WWOX: variants seen among roughly 807,000 people sequenced by gnomAD.
WWOX encodes the protein WW domain containing oxidoreductase.
In WWOX, 69 loss-of-function variants were observed where a neutral mutation model predicts 46.2. The ratio of observed to expected loss-of-function variants is 1.49; its 90% CI spans 1.23 to 1.82. The LOEUF is 1.82. Ranked by LOEUF, WWOX falls within the 40% of genes most tolerant of loss-of-function variation. The pLI, the probability that WWOX is intolerant of heterozygous loss-of-function variation, is 0.00. For synonymous variants in WWOX, 359 were observed against 202.6 expected, an observed-to-expected ratio of 1.77 and a Z score of -6.56; for missense variants, 919 against 542.6, an observed-to-expected ratio of 1.69 and a Z score of -6.89.
At chr16:78,231,182 A>T (rs765708626) in intron 5 of WWOX, among the ~76,000 whole-genome samples, 1 of 152,072 alleles carries the variant, frequency 6.6e-6, no homozygotes, top group Admixed American at 6.6e-5. Context: ...GAGGAGAGGG[A>T]TTTGCTCTTG....
chr16:78,774,475 C>T (rs1405602427), intron 8 of WWOX, among the ~76,000 whole-genome samples: 1 of 151,182 alleles, frequency 6.6e-6, no homozygotes, highest in African/African-American at 2.4e-5. Context: ...TTTTTTCGGG[C>T]AGTTTCTTGA....
chr16:79,174,208 T>A (rs2050755835), intron 8 of WWOX, among the ~76,000 whole-genome samples: 1 of 152,194 alleles, frequency 6.6e-6, no homozygotes, highest in Non-Finnish European at 1.5e-5. Context: ...CAGCCCAGTT[T>A]TCAGTGGCAA....
chr16:78,117,093 C>T (rs956823104), intron 4 of WWOX, among the ~76,000 whole-genome samples: 4 of 152,168 alleles, frequency 2.6e-5, no homozygotes, highest in Non-Finnish European at 5.9e-5. Flanking sequence ...TTTGTGGTTG[C>T]TGAGAATGGC....
chr16:79,073,932 C>A (rs995052560), intron 8 of WWOX, among the ~76,000 whole-genome samples: 2 of 151,824 alleles, frequency 1.3e-5, no homozygotes, highest in Non-Finnish European at 2.9e-5. Flanking sequence ...TCTAGCAATT[C>A]TCAATGTTTT....
intron 5 of WWOX, among the ~76,000 whole-genome samples, chr16:78,380,703 T>C (rs2081936637): frequency 6.6e-6 from 1 of 152,162 alleles, no homozygotes; most frequent in South Asian, 2.1e-4. Context: ...TTTAGATACA[T>C]TGCCTGACTT....
intron 8 of WWOX, among the ~76,000 whole-genome samples, chr16:78,537,936 G>T (rs916723243): frequency 1.1e-4 from 16 of 151,956 alleles, no homozygotes; most frequent in Non-Finnish European, 1.8e-4. Flanking sequence ...CAGCAGCCCC[G>T]GCCTATCTCT....
intron 6 of WWOX, among the ~76,000 whole-genome samples, chr16:78,420,983 T>G (rs57226645): frequency 0.06 from 9,162 of 152,222 alleles, 903 homozygotes; most frequent in African/African-American, 0.21. Context: ...TGGGAACCTC[T>G]GGCTTAATCA....
intron 8 of WWOX, among the ~76,000 whole-genome samples, chr16:78,725,706 G>C (rs996797638): frequency 6.6e-6 from 1 of 152,104 alleles, no homozygotes; most frequent in East Asian, 1.9e-4. Context: ...TCATCTCACA[G>C]TTCTGAAAGT....
intron 5 of WWOX, among the ~76,000 whole-genome samples, chr16:78,370,367 A>C (rs2081644938): frequency 6.6e-6 from 1 of 152,182 alleles, no homozygotes; most frequent in Admixed American, 6.5e-5. Flanking sequence ...CATAGTAAGT[A>C]CTGTGTAAGA....
In WWOX at chr16:78,657,397, C is replaced by T. The variant is rs969093658; in HGVS notation, c.1056+224645C>T. Among the ~76,000 whole-genome samples, 8 of 152,180 alleles carry T rather than the reference C, an allele frequency of 5.3e-5. No individual in the cohort carries two copies. In the East Asian group the frequency reaches 5.8e-4, roughly 11 times the overall value. Reference sequence around the variant, plus strand: ...ATCCTGTAAAGGAGCCTGTGCTTCCCGACTCCCAGGGCCCTGCAGCATGTC... The same window carrying T: ...ATCCTGTAAAGGAGCCTGTGCTTCCTGACTCCCAGGGCCCTGCAGCATGTC... On this transcript the variant is annotated intron_variant, in intron 8 of 8. Coordinates refer to ENST00000566780, the MANE Select transcript of WWOX (RefSeq NM_016373.4).
At chr16:78,406,045 C>T (rs758489658) in intron 6 of WWOX, among the ~76,000 whole-genome samples, 2 of 151,964 alleles carry the variant, frequency 1.3e-5, no homozygotes, top group Non-Finnish European at 1.5e-5. Flanking sequence ...CTAACATTTT[C>T]TGAGGGTGTC....
At chr16:78,375,874 C>T (rs1483978246) in intron 5 of WWOX, among the ~76,000 whole-genome samples, 15 of 135,720 alleles carry the variant, frequency 1.1e-4, no homozygotes, top group Middle Eastern at 4.5e-3. Flanking sequence ...TTTTTTTTGA[C>T]GGAGTCTTGC....
At chr16:78,918,281 G>A (rs775537024) in intron 8 of WWOX, among the ~76,000 whole-genome samples, 1 of 152,022 alleles carries the variant, frequency 6.6e-6, no homozygotes, top group East Asian at 1.9e-4. Flanking sequence ...AAAATAAATG[G>A]ATACATGATA....
At chr16:78,500,771 A>C (rs1433611407) in intron 8 of WWOX, among the ~76,000 whole-genome samples, 3 of 152,170 alleles carry the variant, frequency 2.0e-5, no homozygotes, top group Non-Finnish European at 4.4e-5. Context: ...TTCTATGATG[A>C]ATTATTCAGG....
chr16:79,126,504 C>G (rs955564515), intron 8 of WWOX, among the ~76,000 whole-genome samples: 2 of 152,250 alleles, frequency 1.3e-5, no homozygotes, highest in African/African-American at 4.8e-5. Context: ...TGTGTTCATT[C>G]TCCCTCCTGC....
intron 5 of WWOX, among the ~76,000 whole-genome samples, chr16:78,217,984 A>T (rs2036777070): frequency 6.6e-6 from 1 of 152,170 alleles, no homozygotes; most frequent in Non-Finnish European, 1.5e-5. Context: ...CACAAAAAGC[A>T]GAGGCCAACG....
intron 8 of WWOX, among the ~76,000 whole-genome samples, chr16:79,009,648 C>G (rs1208831746): frequency 2.6e-5 from 4 of 152,260 alleles, no homozygotes; most frequent in African/African-American, 9.6e-5. Context: ...ACAAGGTTTC[C>G]CCATGTTGGC....
chr16:78,111,069 C>T (rs1963256431), intron 3 of WWOX, among the ~76,000 whole-genome samples: 1 of 151,562 alleles, frequency 6.6e-6, no homozygotes, highest in South Asian at 2.1e-4. Context: ...TCAAGTACAC[C>T]AACATTTAGG....
At chr16:79,135,737 A>C (rs995697199) in intron 8 of WWOX, among the ~76,000 whole-genome samples, 5 of 152,202 alleles carry the variant, frequency 3.3e-5, no homozygotes, top group African/African-American at 7.2e-5. Flanking sequence ...TACCATTTTA[A>C]AAAAATAATA....
Sources: gnomAD v4.1 joint callset for allele counts (sites outside exome capture counted in the v4.1 genomes callset) on GRCh38, gnomAD v4.1.1 for gene constraint, MANE v1.5 for transcripts, NCBI Gene and HGNC (gene_info 2026-07-23, HGNC 2026-07-21) for gene names.